Variants in AFF2 observed in about 807,000 individuals in gnomAD.
The protein encoded by AFF2 is AF4/FMR2 family member 2.
Under a neutral mutation model 76.9 loss-of-function variants are expected in AFF2, and 14 were observed. The observed-to-expected ratio is 0.18, with a 90% CI of 0.12 to 0.28. The LOEUF (loss-of-function observed/expected upper bound fraction) is 0.28. Ranked by LOEUF, AFF2 falls within the 10% of genes least tolerant of loss-of-function variation. The pLI, the probability that AFF2 is intolerant of heterozygous loss-of-function variation, is 1.00. For missense variants in AFF2, 868 were observed against 1,001.1 expected (o/e 0.87, Z 1.79); for synonymous variants, 398 against 366.7 (o/e 1.09, Z -0.98).
At chrX:148,934,098 A>G (rs1557284725) in intron 9 of AFF2, among the ~76,000 whole-genome samples, 1 of 112,851 alleles carries the variant, frequency 8.9e-6, no homozygotes. Context: ...ATTCACACAC[A>G]TCAAGTTGTC....
chrX:148,831,555 A>G (rs184407343), intron 4 of AFF2, among the ~76,000 whole-genome samples: 133 of 111,935 alleles, frequency 1.2e-3, no homozygotes, highest in African/African-American at 4.3e-3. Context: ...ATTGTTGTCC[A>G]TTTCCTATTA....
At chrX:148,655,328 A>C (rs1557256926) in intron 2 of AFF2, among the ~76,000 whole-genome samples, 1 of 99,279 alleles carries the variant, frequency 1.0e-5, no homozygotes, top group Non-Finnish European at 2.0e-5. Flanking sequence ...TCTATCGCCC[A>C]GTCTAGAGTG....
At chrX:148,738,967 C>T (rs185024890) in intron 3 of AFF2, among the ~76,000 whole-genome samples, 20 of 111,974 alleles carry the variant, frequency 1.8e-4, no homozygotes, top group African/African-American at 6.5e-4. Context: ...TTTTATTCCA[C>T]CATGGTCTGA....
intron 1 of AFF2, among the ~76,000 whole-genome samples, chrX:148,614,717 C>CTTTCTTTCTTTCTTTCTTTCTT (rs1557249979): frequency 2.7e-4 from 13 of 47,684 alleles, no homozygotes; most frequent in African/African-American, 1.0e-3. Context: ...TTCTTTCTTT[C>CTTTCTTTCTTTCTTTCTTTCTT]TTTCTTTCTT....
intron 1 of AFF2, among the ~76,000 whole-genome samples, chrX:148,594,730 G>A (rs1449063751): frequency 3.6e-5 from 4 of 112,078 alleles, no homozygotes; most frequent in African/African-American, 9.7e-5. Flanking sequence ...CTTGAAGCAG[G>A]AGTGAAGAGG....
chrX:148,631,405 C>T (rs1557253049), intron 1 of AFF2, among the ~76,000 whole-genome samples: 1 of 72,248 alleles, frequency 1.4e-5, no homozygotes, highest in African/African-American at 5.3e-5. Context: ...CAAGCACATA[C>T]GTAGAAGTAC....
rs996416491 is a variant in AFF2, at chrX:148,994,316, G to A, written c.*2984G>A. The A allele has an allele frequency of 3.6e-5, 4 of 111,922 alleles. No homozygotes were observed. The highest frequency in any genetic ancestry group is 7.5e-5 in the Non-Finnish European group (4 of 53,142). 9.2% of individuals were successfully genotyped at this position (111,922 alleles called of 1,213,427 possible). On this transcript the variant is annotated 3_prime_UTR_variant, in exon 21 of 21. Coordinates refer to ENST00000370460, the MANE Select transcript of AFF2 (RefSeq NM_002025.4). ...TTTTAATTAACTTTGGATTTTTAGT[G>A]GTTTTGTCATATAACTGTCTGAGTT... is the stretch of plus-strand genomic sequence containing the variant.
intron 1 of AFF2, among the ~76,000 whole-genome samples, chrX:148,533,921 A>C (rs1183682454): frequency 5.4e-5 from 6 of 111,963 alleles, no homozygotes; most frequent in South Asian, 3.7e-4. Flanking sequence ...ATAAATGTTA[A>C]ATCTCTTAAT....
At chrX:148,603,738 G>GT (rs1254510050) in intron 1 of AFF2, among the ~76,000 whole-genome samples, 27 of 103,152 alleles carry the variant, frequency 2.6e-4, no homozygotes, top group South Asian at 8.4e-4. Flanking sequence ...CAGCATTTTT[G>GT]TTTTTTTTTT....
intron 11 of AFF2, among the ~76,000 whole-genome samples, chrX:148,957,901 C>T (rs1303114270): frequency 8.9e-6 from 1 of 112,505 alleles, no homozygotes; most frequent in Non-Finnish European, 1.9e-5. Flanking sequence ...TTACGTGATG[C>T]TCATTGTGTA....
chrX:148,814,575 T>C (rs2070242241), intron 4 of AFF2, among the ~76,000 whole-genome samples: 1 of 111,768 alleles, frequency 8.9e-6, no homozygotes, highest in African/African-American at 3.3e-5. Context: ...TTTAGGGAAC[T>C]TGATTTGATA....
intron 7 of AFF2, among the ~76,000 whole-genome samples, chrX:148,874,560 C>A (rs987657194): frequency 2.3e-4 from 26 of 111,700 alleles, no homozygotes; most frequent in Non-Finnish European, 4.7e-4. Flanking sequence ...TTCCTTTACA[C>A]ATTGTTACCC....
rs782683111 is a variant in AFF2 at position 148,943,231 on chromosome X, A to G, written c.1398-10349A>G. On this transcript the variant is annotated intron_variant, in intron 9 of 20. Coordinates refer to ENST00000370460, the MANE Select transcript of AFF2 (RefSeq NM_002025.4). ...TGATCGTGTTTACAATACAATTATG[A>G]AGTAAGATTCATTCAGTAAGGAAAC... Among the ~76,000 whole-genome samples, 26 of 112,429 alleles carry G rather than the reference A, an allele frequency of 2.3e-4. No individual in the cohort carries two copies. The East Asian group carries it at 6.7e-3, about 29-fold the overall frequency.
At chrX:148,700,419 AGTGTGTGTGTGTGTGTGTGTGT>A (rs368077947) in intron 3 of AFF2, among the ~76,000 whole-genome samples, 1 of 82,495 alleles carries the variant, frequency 1.2e-5, no homozygotes, top group South Asian at 8.1e-4. Flanking sequence ...GTACTGTTGA[AGTGTGTGTGTGTGTGTGTGTGT>A]GTGTGTGTGT....
intron 1 of AFF2, among the ~76,000 whole-genome samples, chrX:148,573,302 G>T (rs986865613): frequency 3.6e-5 from 4 of 111,078 alleles, no homozygotes; most frequent in Non-Finnish European, 5.7e-5. Context: ...CTGATCCCCA[G>T]CACATCCACT....
At chrX:148,759,917 T>A (rs1379817166) in intron 3 of AFF2, among the ~76,000 whole-genome samples, 1 of 111,711 alleles carries the variant, frequency 9.0e-6, no homozygotes, top group Non-Finnish European at 1.9e-5. Context: ...ACCAAGTAAA[T>A]CCAGTAATGC....
At chrX:148,602,936 G>T (rs1014076517) in intron 1 of AFF2, among the ~76,000 whole-genome samples, 12 of 110,380 alleles carry the variant, frequency 1.1e-4, no homozygotes, top group Non-Finnish European at 2.1e-4. Flanking sequence ...TCTTAGGAGA[G>T]AAACAACTTT....
chrX:148,897,541 G>A (rs1472639300), intron 8 of AFF2, among the ~76,000 whole-genome samples: 1 of 106,191 alleles, frequency 9.4e-6, no homozygotes, highest in African/African-American at 3.4e-5. Flanking sequence ...TGTTCCAAAG[G>A]GATAGGAAGC....
chrX:148,629,411 C>T (rs1382719573), intron 1 of AFF2, among the ~76,000 whole-genome samples: 4 of 112,100 alleles, frequency 3.6e-5, no homozygotes, highest in African/African-American at 6.5e-5. Flanking sequence ...CATCATTAAT[C>T]TGTTTCTATT....
Sources: gnomAD v4.1 joint callset for allele counts (sites outside exome capture counted in the v4.1 genomes callset) on GRCh38, gnomAD v4.1.1 for gene constraint, MANE v1.5 for transcripts, NCBI Gene and HGNC (gene_info 2026-07-23, HGNC 2026-07-21) for gene names.